The following DPP6 variants were observed in gnomAD, a reference collection of about 807,000 sequenced individuals.
DPP6 encodes the protein dipeptidyl peptidase like 6, also known as A-type potassium channel modulatory protein DPP6.
Under a neutral mutation model 122.6 loss-of-function variants are expected in DPP6, and 69 were observed. The ratio of observed to expected loss-of-function variants is 0.56; its 90% confidence interval spans 0.46 to 0.69. The LOEUF (loss-of-function observed/expected upper bound fraction) is 0.69. Among genes scored for constraint, DPP6 ranks in the 30% least tolerant of loss-of-function variants. DPP6 has a pLI of 0.00. For missense variants in DPP6, 928 were observed against 1,116.9 expected (o/e 0.83, Z 2.41); for synonymous variants, 418 against 433.1 (o/e 0.97, Z 0.43).
intron 8 of DPP6, among the ~76,000 whole-genome samples, chr7:154,759,802 C>T (rs62475825): frequency 0.051 from 7,769 of 152,258 alleles, 267 homozygotes; most frequent in Middle Eastern, 0.092. Flanking sequence ...GATGCCAATA[C>T]GGTGACACCA....
At chr7:154,178,979 T>A (rs1449044969) in intron 1 of DPP6, among the ~76,000 whole-genome samples, 1 of 152,184 alleles carries the variant, frequency 6.6e-6, no homozygotes. Context: ...CCCAGATTCC[T>A]GGCCCCCAGC....
At chr7:154,264,856 G>A (rs1382166291) in intron 1 of DPP6, among the ~76,000 whole-genome samples, 6 of 122,018 alleles carry the variant, frequency 4.9e-5, no homozygotes, top group Non-Finnish European at 7.2e-5. Context: ...TGATGATAGT[G>A]ATAATGATGG....
In DPP6 at chr7:154,457,158, G is replaced by A. The variant is rs1306931522; in HGVS notation, c.358+10830G>A. ...TTGTTGAATTTTGTCAAAAGTGGGC[G>A]AAGGACATGAACAGACACTTCTCAA... On this transcript the variant is annotated intron_variant, in intron 2 of 25. Coordinates refer to ENST00000377770, the MANE Select transcript of DPP6 (RefSeq NM_130797.4). 6.7e-5 allele frequency among the ~76,000 whole-genome samples: 5 copies of A among 74,714 alleles called. 2 individuals carry two copies. The highest frequency in any genetic ancestry group is 8.7e-5 in the African/African-American group (2 of 23,064). The allele number at this position is 74,714 out of a possible 152,430, so 49.0% of individuals were successfully genotyped here. A position where few individuals can be genotyped will look rare whatever the true frequency, so the allele number is the denominator to read the frequency against.
intron 1 of DPP6, among the ~76,000 whole-genome samples, chr7:153,978,554 T>C (rs891794541): frequency 1.3e-5 from 2 of 152,208 alleles, no homozygotes; most frequent in Non-Finnish European, 2.9e-5. Context: ...AGAAGCTCTT[T>C]AATTAGATCC....
intron 1 of DPP6, among the ~76,000 whole-genome samples, chr7:154,397,813 C>T (rs151270022): frequency 1.4e-4 from 21 of 152,188 alleles, no homozygotes; most frequent in South Asian, 4.2e-4. Context: ...CATTTGTTTG[C>T]GCTGTGCTGT....
intron 18 of DPP6, among the ~76,000 whole-genome samples, chr7:154,868,614 G>A (rs1413129308): frequency 1.3e-5 from 2 of 152,168 alleles, no homozygotes; most frequent in African/African-American, 4.8e-5. Context: ...CATTCGGTAA[G>A]TTCTCCTGGG....
At position 154,078,895 on chromosome 7, in the gene DPP6, A is replaced by G. The variant is rs535935545; in HGVS notation, c.243+25832A>G. Among the ~76,000 whole-genome samples, 279 of 148,010 alleles carry G rather than the reference A, an allele frequency of 1.9e-3. 1 individual carries two copies. Among genetic ancestry groups the G allele is most frequent in the African/African-American group, 6.7e-3 (268 of 40,120 alleles). On this transcript the variant is annotated intron_variant, in intron 1 of 25. Transcript: ENST00000377770. Reference sequence around the variant, plus strand: ...GATTGTAGATTTTTTAAATTTTTTTAAATTCAAAACATTGAGGGTATCTCA... The same window carrying G: ...GATTGTAGATTTTTTAAATTTTTTTGAATTCAAAACATTGAGGGTATCTCA...
chr7:153,841,610 T>C, the DPP6 span, among the ~76,000 whole-genome samples: 1 of 152,214 alleles, frequency 6.6e-6, no homozygotes, highest in South Asian at 2.1e-4. Context: ...TCAAACCAAA[T>C]TGGTTTTGCC....
chr7:154,875,807 G>A lies in DPP6; in HGVS notation c.1884-99G>A, dbSNP rs758837297. On this transcript the variant is annotated intron_variant, in intron 19 of 25. Coordinates refer to ENST00000377770, the MANE Select transcript of DPP6 (RefSeq NM_130797.4). The surrounding 1 kb of genome is among the most constrained non-coding windows in gnomAD (Gnocchi z 4.5). ...GTTGAGCGTGTGGCAGCCGGGTCAC[G>A]GGTAAAATCCCTTACGGGGGTCATC... 88 of 1,480,094 alleles carry A rather than the reference G, an allele frequency of 5.9e-5. No homozygotes were observed. The highest frequency in any genetic ancestry group is 2.7e-4 in the East Asian group (11 of 40,390). The allele number at this position is 1,480,094 out of a possible 1,614,324, so 91.7% of individuals were successfully genotyped here.
At chr7:153,751,698 A>G in the DPP6 span, among the ~76,000 whole-genome samples, 6 of 152,070 alleles carry the variant, frequency 3.9e-5, no homozygotes, top group Non-Finnish European at 4.4e-5. Context: ...GTTTTACAGA[A>G]GATGTAAACT....
intron 6 of DPP6, among the ~76,000 whole-genome samples, chr7:154,646,414 C>T (rs4246094): frequency 0.15 from 22,341 of 152,056 alleles, 1,935 homozygotes; most frequent in African/African-American, 0.24. Flanking sequence ...CCCCACCACA[C>T]GAGCCCCCTC....
intron 1 of DPP6, among the ~76,000 whole-genome samples, chr7:153,973,675 G>C (rs4726361): frequency 0.023 from 3,022 of 132,918 alleles, 57 homozygotes; most frequent in East Asian, 0.052. Context: ...GTGTGTGTGT[G>C]TCTAATGGTA....
the DPP6 span, among the ~76,000 whole-genome samples, chr7:153,856,948 T>C: frequency 6.6e-6 from 1 of 152,166 alleles, no homozygotes; most frequent in African/African-American, 2.4e-5. Context: ...GAAATGTTTT[T>C]CACTGAAAAT....
chr7:154,036,137 C>T (rs2533780), intron 1 of DPP6, among the ~76,000 whole-genome samples: 3 of 151,412 alleles, frequency 2.0e-5, no homozygotes, highest in African/African-American at 4.9e-5. Flanking sequence ...TGAGATCAAG[C>T]CTCACTCTGT....
intron 1 of DPP6, among the ~76,000 whole-genome samples, chr7:154,205,564 T>C (rs1472892332): frequency 6.6e-6 from 1 of 152,158 alleles, no homozygotes; most frequent in Non-Finnish European, 1.5e-5. Context: ...ATCTGATGAT[T>C]TCAGGGCTGA....
At chr7:154,718,083 A>AT (rs1032427188) in intron 7 of DPP6, among the ~76,000 whole-genome samples, 18 of 152,094 alleles carry the variant, frequency 1.2e-4, no homozygotes, top group African/African-American at 4.1e-4. Context: ...TCTTTTGCCC[A>AT]TTTTTTAATC....
chr7:154,277,841 T>G (rs1388591634), intron 1 of DPP6, among the ~76,000 whole-genome samples: 1 of 152,194 alleles, frequency 6.6e-6, no homozygotes, highest in African/African-American at 2.4e-5. Context: ...GAATCACCTT[T>G]GTGTAGTTTC....
At position 154,769,408 on chromosome 7, in the gene DPP6, T is replaced by G. The variant is rs1258682440; in HGVS notation, c.884-9T>G. 7 of 1,613,490 alleles carry G rather than the reference T, an allele frequency of 4.3e-6. No individual in the cohort carries two copies. The highest frequency in any genetic ancestry group is 5.1e-6 in the Non-Finnish European group (6 of 1,179,796). ...ACTATTCACATTTCTCTACTCTGTTTTCCCTTAGAGGAGATTTTGAAGACA... is the reference window on the plus strand; with the variant it reads ...ACTATTCACATTTCTCTACTCTGTTGTCCCTTAGAGGAGATTTTGAAGACA... On this transcript the variant is annotated splice_polypyrimidine_tract_variant and intron_variant, in intron 8 of 25. Transcript: ENST00000377770.
At chr7:154,377,360 T>C (rs1444980438) in intron 1 of DPP6, among the ~76,000 whole-genome samples, 1 of 152,010 alleles carries the variant, frequency 6.6e-6, no homozygotes, top group Non-Finnish European at 1.5e-5. Context: ...CACAGAGCGG[T>C]AGGAAATGGA....
Sources: allele counts gnomAD v4.1 joint callset (sites outside exome capture counted in the v4.1 genomes callset), GRCh38; gene constraint gnomAD v4.1.1; non-coding constraint Gnocchi (gnomAD v3.1); transcripts MANE v1.5; gene names NCBI Gene and HGNC (gene_info 2026-07-23, HGNC 2026-07-21).